The following ST3GAL3 variants were observed in gnomAD, a reference collection of about 807,000 sequenced individuals.
ST3GAL3 encodes ST3 beta-galactoside alpha-2,3-sialyltransferase 3.
ST3GAL3 carries 21 observed loss-of-function variants against 50.1 expected under a neutral mutation model. The observed-to-expected ratio is 0.42, with a 90% CI of 0.30 to 0.60. ST3GAL3 has a LOEUF of 0.60. ST3GAL3 is among the 20% of genes least tolerant of loss of function. ST3GAL3 has a pLI of 0.19. For missense variants in ST3GAL3, 353 were observed against 489.4 expected (o/e 0.72, Z 2.63); for synonymous variants, 183 against 190.0 (o/e 0.96, Z 0.30).
intron 3 of ST3GAL3, among the ~76,000 whole-genome samples, chr1:43,796,763 G>A (rs1395042083): frequency 6.6e-6 from 1 of 152,214 alleles, no homozygotes; most frequent in Admixed American, 6.5e-5. Context: ...ATCAACCAAT[G>A]CCAGTGCTGA....
At chr1:43,913,118 A>T (rs938172313) in intron 9 of ST3GAL3, 1 of 152,028 alleles carries the variant, frequency 6.6e-6, no homozygotes, top group African/African-American at 2.4e-5. Context: ...ACCGGGAGCC[A>T]GGGGGAAAGG....
At chr1:43,898,514 T>C in intron 7 of ST3GAL3, 1 of 632,830 alleles carries the variant, frequency 1.6e-6, no homozygotes, top group Non-Finnish European at 2.9e-6. Flanking sequence ...GACATCCCAG[T>C]CCTCAGATAC....
rs113874689 is a variant in ST3GAL3 at position 43,894,301 on chromosome 1, G to A, written c.303-82G>A. ...AGAGGGGGCTTCCAGCAGATCCTTTGCCAAGACCGACGTACGGAAGTGCCA... is the reference window on the plus strand; with the variant it reads ...AGAGGGGGCTTCCAGCAGATCCTTTACCAAGACCGACGTACGGAAGTGCCA... On this transcript the variant is annotated intron_variant, in intron 5 of 11. Transcript: ENST00000347631. 9.5e-5 allele frequency: 133 copies of A among 1,397,596 alleles called. 5 individuals are homozygous for A. The African/African-American group carries it at 1.2e-3, about 13-fold the overall frequency. 86.6% of individuals were successfully genotyped at this position (1,397,596 alleles called of 1,614,324 possible).
intron 2 of ST3GAL3, among the ~76,000 whole-genome samples, chr1:43,773,901 A>G (rs1003901911): frequency 1.3e-5 from 2 of 152,182 alleles, no homozygotes; most frequent in African/African-American, 4.8e-5. Flanking sequence ...AATACATATC[A>G]CCTACATAGT....
intron 2 of ST3GAL3, among the ~76,000 whole-genome samples, chr1:43,759,061 GCGCGCACACACACACA>G (rs1422533743): frequency 7.8e-5 from 6 of 76,524 alleles, no homozygotes; most frequent in African/African-American, 3.5e-4. Flanking sequence ...AAACAAAAGC[GCGCGCACACACACACA>G]CACACACACA....
chr1:43,782,814 AT>A (rs200377325), intron 2 of ST3GAL3, among the ~76,000 whole-genome samples: 3 of 151,162 alleles, frequency 2.0e-5, no homozygotes, highest in African/African-American at 7.3e-5. Context: ...ATCTTTAAAC[AT>A]TTTTTTTTCA....
intron 2 of ST3GAL3, chr1:43,743,384 A>G (rs965783963): frequency 2.6e-5 from 7 of 266,160 alleles, no homozygotes; most frequent in Admixed American, 9.7e-5. Flanking sequence ...TGGTGTGGAC[A>G]TGGTGCCTCT....
chr1:43,758,492 A>G (rs946282103), intron 2 of ST3GAL3, among the ~76,000 whole-genome samples: 33 of 152,112 alleles, frequency 2.2e-4, no homozygotes, highest in African/African-American at 7.5e-4. Flanking sequence ...GCCTCAAGTG[A>G]TTCTCCTTCC....
chr1:43,903,263 C>A (rs1401396789), intron 9 of ST3GAL3, among the ~76,000 whole-genome samples: 1 of 152,254 alleles, frequency 6.6e-6, no homozygotes, highest in African/African-American at 2.4e-5. Flanking sequence ...CTGGAGACAC[C>A]CCATCCACTG....
chr1:43,803,646 C>G (rs1467502904), intron 3 of ST3GAL3, among the ~76,000 whole-genome samples: 1 of 152,158 alleles, frequency 6.6e-6, no homozygotes, highest in Non-Finnish European at 1.5e-5. Flanking sequence ...GTTTCTGAAC[C>G]TTTTAAGAGT....
chr1:43,828,003 A>C (rs2063045365), intron 4 of ST3GAL3, among the ~76,000 whole-genome samples: 1 of 152,238 alleles, frequency 6.6e-6, no homozygotes, highest in African/African-American at 2.4e-5. Flanking sequence ...CCAGACCTAC[A>C]ATAAAGCTAT....
At chr1:43,817,568 CT>C (rs776847014) in intron 4 of ST3GAL3, among the ~76,000 whole-genome samples, 331 of 14,764 alleles carry the variant, frequency 0.022, 4 homozygotes, top group African/African-American at 0.069. Flanking sequence ...CTTCTTCCTT[CT>C]TCTTCTCCTT....
intron 2 of ST3GAL3, among the ~76,000 whole-genome samples, chr1:43,744,676 A>AAATAAATAAATAAATAAATG (rs1682732169): frequency 1.3e-5 from 2 of 148,770 alleles, no homozygotes; most frequent in East Asian, 3.9e-4. Flanking sequence ...ATAAATAAAT[A>AAATAAATAAATAAATAAATG]AATAAATAAA....
intron 1 of ST3GAL3, chr1:43,708,072 A>T (rs1012465629): frequency 2.6e-5 from 4 of 152,360 alleles, no homozygotes; most frequent in African/African-American, 9.6e-5. Context: ...CTGAGCGGGA[A>T]TCGGCAGCGT....
chr1:43,894,309 C>G, intron 5 of ST3GAL3, 74 bp from the exon 6 acceptor site: 1 of 1,452,810 alleles, frequency 6.9e-7, no homozygotes, highest in Non-Finnish European at 9.7e-7. Flanking sequence ...TTGCCAAGAC[C>G]GACGTACGGA....
chr1:43,867,582 G>C (rs927309767), intron 5 of ST3GAL3, among the ~76,000 whole-genome samples: 1 of 148,222 alleles, frequency 6.7e-6, no homozygotes, highest in Non-Finnish European at 1.5e-5. Flanking sequence ...AGTTGTGTGG[G>C]GAAGGTGTGT....
intron 2 of ST3GAL3, among the ~76,000 whole-genome samples, chr1:43,748,000 C>A (rs1319251770): frequency 6.6e-6 from 1 of 152,074 alleles, no homozygotes; most frequent in African/African-American, 2.4e-5. Context: ...TGGTAACCAG[C>A]CCTCATCCCG....
intron 9 of ST3GAL3, among the ~76,000 whole-genome samples, chr1:43,901,693 G>A (rs145741299): frequency 7.6e-4 from 116 of 152,330 alleles, no homozygotes; most frequent in African/African-American, 2.6e-3. Context: ...CAGCATTGCA[G>A]GACGAGGCAC....
chr1:43,920,142 G>T, intron 9 of ST3GAL3: 1 of 519,206 alleles, frequency 1.9e-6, no homozygotes, highest in South Asian at 2.0e-5. Flanking sequence ...CACATCCTGT[G>T]CCTGCCCGAC....
Sources: gnomAD v4.1 joint callset for allele counts (sites outside exome capture counted in the v4.1 genomes callset) on GRCh38, gnomAD v4.1.1 for gene constraint, MANE v1.5 for transcripts, NCBI Gene and HGNC (gene_info 2026-07-23, HGNC 2026-07-21) for gene names.